Variants in FOXO1 observed in about 807,000 individuals in gnomAD.
The protein encoded by FOXO1 is forkhead box protein O1.
A neutral mutation model predicts 44.1 loss-of-function variants in FOXO1; 6 were observed. That is an observed-to-expected ratio of 0.14 (90% CI 0.07 to 0.27). The LOEUF is 0.27. Among genes scored for constraint, FOXO1 ranks in the 10% least tolerant of loss-of-function variants. The pLI is 1.00. For synonymous variants in FOXO1, 380 were observed against 362.7 expected (o/e 1.05, Z -0.54); for missense variants, 737 against 888.8 (o/e 0.83, Z 2.17).
chr13:40,630,304 G>T (rs1234453167), intron 1 of FOXO1, among the ~76,000 whole-genome samples: 3 of 152,084 alleles, frequency 2.0e-5, no homozygotes, highest in Non-Finnish European at 4.4e-5. Context: ...ACAGTCTGGG[G>T]CTGTTTGCTT....
intron 1 of FOXO1, among the ~76,000 whole-genome samples, chr13:40,648,476 A>G (rs983690781): frequency 2.0e-5 from 3 of 152,234 alleles, no homozygotes; most frequent in Non-Finnish European, 4.4e-5. Context: ...GATTGTTAGC[A>G]TTTTCTTATT....
chr13:40,647,920 T>C (rs1224563672), intron 1 of FOXO1, among the ~76,000 whole-genome samples: 1 of 152,134 alleles, frequency 6.6e-6, no homozygotes, highest in Non-Finnish European at 1.5e-5. Flanking sequence ...GGCTCCCACA[T>C]CTATGCCTGC....
intron 1 of FOXO1, among the ~76,000 whole-genome samples, chr13:40,643,772 T>C (rs955557633): frequency 3.9e-5 from 6 of 152,164 alleles, no homozygotes; most frequent in Non-Finnish European, 8.8e-5. Context: ...ATCTCAGGTG[T>C]GCTAAGCTTT....
intron 1 of FOXO1, among the ~76,000 whole-genome samples, chr13:40,583,058 G>A (rs1875016920): frequency 6.6e-6 from 1 of 152,208 alleles, no homozygotes; most frequent in Non-Finnish European, 1.5e-5. Flanking sequence ...AACAGATGTT[G>A]TGTTAGCAGA....
intron 1 of FOXO1, among the ~76,000 whole-genome samples, chr13:40,590,693 T>C (rs1875334220): frequency 6.6e-6 from 1 of 152,224 alleles, no homozygotes; most frequent in Admixed American, 6.5e-5. Context: ...TGTGGAGATA[T>C]GCTGCAATAT....
chr13:40,646,680 G>A (rs1386530109), intron 1 of FOXO1, among the ~76,000 whole-genome samples: 3 of 152,006 alleles, frequency 2.0e-5, no homozygotes, highest in South Asian at 2.1e-4. Flanking sequence ...TACAACCACC[G>A]CCTCCCGGGT....
chr13:40,625,978 TTTATC>T (rs1259306980), intron 1 of FOXO1, among the ~76,000 whole-genome samples: 6 of 152,098 alleles, frequency 3.9e-5, no homozygotes, highest in African/African-American at 1.4e-4. Context: ...TACATTTTAT[TTTATC>T]TTATTTTATT....
At chr13:40,581,351 A>T (rs2137850929) in intron 1 of FOXO1, among the ~76,000 whole-genome samples, 1 of 152,266 alleles carries the variant, frequency 6.6e-6, no homozygotes, top group African/African-American at 2.4e-5. Context: ...AATAGTACAA[A>T]TTGTGTTTAA....
intron 1 of FOXO1, among the ~76,000 whole-genome samples, chr13:40,624,842 GT>G (rs1204111668): frequency 1.3e-5 from 2 of 152,158 alleles, no homozygotes; most frequent in Non-Finnish European, 2.9e-5. Context: ...TATGCATATA[GT>G]TTTTTATGTA....
chr13:40,653,071 G>C (rs1244309650), intron 1 of FOXO1, among the ~76,000 whole-genome samples: 1 of 152,022 alleles, frequency 6.6e-6, no homozygotes, highest in African/African-American at 2.4e-5. Flanking sequence ...CTGGGTTCAA[G>C]CCATTCTCCT....
chr13:40,662,535 C>A (rs748134139), intron 1 of FOXO1, among the ~76,000 whole-genome samples: 1 of 152,192 alleles, frequency 6.6e-6, no homozygotes, highest in African/African-American at 2.4e-5. Flanking sequence ...AATATTACAA[C>A]AAGTGTAAGA....
At chr13:40,598,615 A>T (rs1875687122) in intron 1 of FOXO1, among the ~76,000 whole-genome samples, 1 of 152,132 alleles carries the variant, frequency 6.6e-6, no homozygotes, top group Admixed American at 6.5e-5. Context: ...TACCCACCCA[A>T]ATTTGTGGGG....
At chr13:40,573,095 GA>G (rs1477148544) in intron 1 of FOXO1, among the ~76,000 whole-genome samples, 1 of 152,160 alleles carries the variant, frequency 6.6e-6, no homozygotes, top group African/African-American at 2.4e-5. Context: ...TAACATGAAT[GA>G]AGCCTACATT....
chr13:40,599,624 G>A (rs1318654803), intron 1 of FOXO1, among the ~76,000 whole-genome samples: 2 of 152,110 alleles, frequency 1.3e-5, no homozygotes, highest in African/African-American at 2.4e-5. Flanking sequence ...TTCATTGAGT[G>A]GTTCTAGATA....
In FOXO1 at chr13:40,557,022, G is replaced by C. The variant is rs1164787465; in HGVS notation, c.*2027C>G. 6.6e-6 allele frequency: 1 copy of C among 152,128 alleles called. No individual in the cohort carries two copies. Among genetic ancestry groups the C allele is most frequent in the Non-Finnish European group, 1.5e-5 (1 of 68,028 alleles). 9.4% of individuals were successfully genotyped at this position (152,128 alleles called of 1,614,324 possible). A position where few individuals can be genotyped will look rare whatever the true frequency, so the allele number is the denominator to read the frequency against. ...GATGATAGAGTGGTGGCTGTTCAAT[G>C]AATCTTCAAAAAAATGATCATCACA... On this transcript the variant is annotated 3_prime_UTR_variant, in exon 3 of 3. Coordinates refer to ENST00000379561, the MANE Select transcript of FOXO1 (RefSeq NM_002015.4).
At chr13:40,619,242 C>T (rs1372056563) in intron 1 of FOXO1, 9 of 372,568 alleles carry the variant, frequency 2.4e-5, no homozygotes, top group East Asian at 7.0e-5. Context: ...TGCAGTGAGC[C>T]GAGATCATGC....
intron 1 of FOXO1, among the ~76,000 whole-genome samples, chr13:40,611,746 G>A (rs965353289): frequency 2.6e-5 from 4 of 152,188 alleles, no homozygotes; most frequent in Admixed American, 6.5e-5. Flanking sequence ...TCCCATCACA[G>A]CTACAGTACT....
chr13:40,617,696 GA>G (rs796828582), intron 1 of FOXO1, among the ~76,000 whole-genome samples: 72 of 151,658 alleles, frequency 4.7e-4, no homozygotes, highest in Middle Eastern at 3.4e-3. Flanking sequence ...ATGTTGGGGG[GA>G]AAAAAAATGA....
intron 1 of FOXO1, among the ~76,000 whole-genome samples, chr13:40,573,426 T>C (rs1161796186): frequency 1.3e-5 from 2 of 152,150 alleles, no homozygotes; most frequent in African/African-American, 2.4e-5. Flanking sequence ...CACATTTAGA[T>C]GACTTGAGGA....
Sources: gnomAD v4.1 joint callset for allele counts (sites outside exome capture counted in the v4.1 genomes callset) on GRCh38, gnomAD v4.1.1 for gene constraint, MANE v1.5 for transcripts, NCBI Gene and HGNC (gene_info 2026-07-23, HGNC 2026-07-21) for gene names.